LAPTM4A: variants seen among roughly 807,000 people sequenced by gnomAD.
LAPTM4A encodes lysosomal protein transmembrane 4 alpha.
In LAPTM4A, 19 loss-of-function variants were observed where a neutral mutation model predicts 29.9. That is an observed-to-expected ratio of 0.64 (90% CI 0.44 to 0.93). The LOEUF is 0.93. LAPTM4A is among the 40% of genes least tolerant of loss of function. The pLI is 0.00. For missense variants in LAPTM4A, 293 were observed against 288.5 expected (o/e 1.02, Z -0.11); for synonymous variants, 105 against 102.1 (o/e 1.03, Z -0.17).
At chr2:20,033,394 A>G in intron 6 of LAPTM4A, 115 bp from the exon 7 acceptor site, 1 of 779,044 alleles carries the variant, frequency 1.3e-6, no homozygotes, top group Non-Finnish European at 2.2e-6. Flanking sequence ...CATAAAGAAG[A>G]GCTGAAGAAA....
chr2:20,044,033 C>T (rs1247117147), intron 1 of LAPTM4A, among the ~76,000 whole-genome samples: 1 of 152,188 alleles, frequency 6.6e-6, no homozygotes, highest in African/African-American at 2.4e-5. Flanking sequence ...TGTCTATGTT[C>T]AGCAGCAAGC....
chr2:20,044,856 G>C (rs1472379283), intron 1 of LAPTM4A, among the ~76,000 whole-genome samples: 1 of 152,098 alleles, frequency 6.6e-6, no homozygotes, highest in East Asian at 1.9e-4. Context: ...CATTTCATTA[G>C]AACCCCAACT....
At chr2:20,038,724 T>C (rs1673733078) in intron 2 of LAPTM4A, among the ~76,000 whole-genome samples, 1 of 152,066 alleles carries the variant, frequency 6.6e-6, no homozygotes, top group South Asian at 2.1e-4. Flanking sequence ...ACACCTGTAA[T>C]CTCAGTACTC....
At chr2:20,047,696 C>CAAAAAAAAAAAAAAAAAAAAAAAAAAAAG (rs61601787) in intron 1 of LAPTM4A, among the ~76,000 whole-genome samples, 7 of 76,706 alleles carry the variant, frequency 9.1e-5, no homozygotes, top group African/African-American at 3.0e-4. Context: ...GACTCCGTCT[C>CAAAAAAAAAAAAAAAAAAAAAAAAAAAAG]AAAAAAAAAA....
chr2:20,046,744 T>TA, intron 1 of LAPTM4A, among the ~76,000 whole-genome samples: 1 of 145,114 alleles, frequency 6.9e-6, no homozygotes, highest in Non-Finnish European at 1.5e-5. Context: ...TATATAAATA[T>TA]ATATTATATA....
In LAPTM4A at chr2:20,034,959, C is replaced by G. The variant is rs185228413; in HGVS notation, c.528+8G>C. The G allele has an allele frequency of 1.3e-6, 2 of 1,599,506 alleles. No homozygotes were observed. Among genetic ancestry groups the G allele is most frequent in the South Asian group, 2.2e-5 (2 of 89,952 alleles). ...CAGTCACCCCTAAAGATTTAGTCAG[C>G]AACGTACCTTAAAAATGATGAATAA... is the stretch of plus-strand genomic sequence containing the variant. On this transcript the variant is annotated splice_region_variant and intron_variant, in intron 5 of 6. Coordinates refer to ENST00000175091, the MANE Select transcript of LAPTM4A (RefSeq NM_014713.5).
At chr2:20,038,883 C>A (rs955011868) in intron 2 of LAPTM4A, among the ~76,000 whole-genome samples, 1 of 151,960 alleles carries the variant, frequency 6.6e-6, no homozygotes, top group African/African-American at 2.4e-5. Context: ...ATGACTAGAA[C>A]AACTGCTGAA....
intron 1 of LAPTM4A, among the ~76,000 whole-genome samples, chr2:20,043,284 G>A (rs1226012706): frequency 2.8e-5 from 4 of 145,262 alleles, no homozygotes; most frequent in South Asian, 4.3e-4. Flanking sequence ...GCACGATCTC[G>A]GCTTACTGCA....
At chr2:20,045,096 T>G (rs1364842047) in intron 1 of LAPTM4A, among the ~76,000 whole-genome samples, 3 of 152,350 alleles carry the variant, frequency 2.0e-5, no homozygotes, top group Non-Finnish European at 1.5e-5. Context: ...TGCTCACATG[T>G]AAGCCCTGGC....
In LAPTM4A at chr2:20,051,586, A is replaced by C; in HGVS notation, c.-66T>G. 1 of 1,058,782 alleles carries C rather than the reference A, an allele frequency of 9.4e-7. No individual in the cohort carries two copies. Among genetic ancestry groups the C allele is most frequent in the Non-Finnish European group, 1.4e-6 (1 of 714,786 alleles). The allele number at this position is 1,058,782 out of a possible 1,614,324, so 65.6% of individuals were successfully genotyped here. ...ACGTTCTCCACCCGCAGCCAAACTC[A>C]AACGGCTGTTTCACGGCCTCCAAAA... On this transcript the variant is annotated 5_prime_UTR_variant, in exon 1 of 7. Coordinates refer to ENST00000175091, the MANE Select transcript of LAPTM4A (RefSeq NM_014713.5).
intron 5 of LAPTM4A, 116 bp from the exon 6 acceptor site, chr2:20,034,531 C>T: frequency 1.4e-6 from 1 of 738,994 alleles, no homozygotes; most frequent in Non-Finnish European, 2.4e-6. Context: ...AGGGAGCTGA[C>T]CTCTGTGTGG....
At chr2:20,041,990 T>C (rs1057234420) in intron 1 of LAPTM4A, among the ~76,000 whole-genome samples, 2 of 152,228 alleles carry the variant, frequency 1.3e-5, no homozygotes, top group African/African-American at 4.8e-5. Flanking sequence ...ATTTCCCTTT[T>C]GTCTTCCTCT....
At chr2:20,051,374 C>A (rs773682059) in intron 1 of LAPTM4A, 36 bp downstream of exon 1, 16 of 1,388,794 alleles carry the variant, frequency 1.2e-5, no homozygotes, top group African/African-American at 1.4e-5. Context: ...GCTCCCCAGG[C>A]CCCCCGGACA....
Position 20,036,760 on chromosome 2 carries a change from C to G in LAPTM4A, c.432+556G>C, listed in dbSNP as rs1458346596. Among the ~76,000 whole-genome samples, 7 of 152,228 alleles carry G rather than the reference C, an allele frequency of 4.6e-5. No individual in the cohort carries two copies. In the East Asian group the frequency reaches 1.2e-3, roughly 25 times the overall value. On this transcript the variant is annotated intron_variant, in intron 4 of 6. Transcript: ENST00000175091. ...CCAGCCCAGAGTTTTCCCTGCCCCC[C>G]TCCATATGACATTAATCGAAGTTCC...
intron 4 of LAPTM4A, among the ~76,000 whole-genome samples, chr2:20,036,052 A>G (rs1673669988): frequency 6.6e-6 from 1 of 152,242 alleles, no homozygotes; most frequent in Admixed American, 6.5e-5. Flanking sequence ...AGAAAAACAC[A>G]GAAGGTGGAG....
intron 1 of LAPTM4A, among the ~76,000 whole-genome samples, chr2:20,045,806 T>G (rs917094280): frequency 6.6e-6 from 1 of 152,020 alleles, no homozygotes; most frequent in East Asian, 1.9e-4. Context: ...AAAAAAAAAA[T>G]CATTTTTCAG....
At chr2:20,044,470 T>G (rs948540534) in intron 1 of LAPTM4A, among the ~76,000 whole-genome samples, 2 of 152,180 alleles carry the variant, frequency 1.3e-5, no homozygotes, top group African/African-American at 2.4e-5. Flanking sequence ...CTTAAATATT[T>G]TTATTACATG....
At chr2:20,037,465 T>C in intron 3 of LAPTM4A, 27 bp from the exon 4 acceptor site, 2 of 1,605,822 alleles carry the variant, frequency 1.2e-6, no homozygotes, top group Non-Finnish European at 1.7e-6. Flanking sequence ...AACCATAACA[T>C]TGTATCACAT....
At chr2:20,046,697 TTA>T (rs1366488674) in intron 1 of LAPTM4A, among the ~76,000 whole-genome samples, 1 of 146,744 alleles carries the variant, frequency 6.8e-6, no homozygotes, top group East Asian at 1.9e-4. Context: ...ATATATATTT[TTA>T]TATGTTTTAT....
Sources: gnomAD v4.1 joint callset for allele counts (sites outside exome capture counted in the v4.1 genomes callset) on GRCh38, gnomAD v4.1.1 for gene constraint, MANE v1.5 for transcripts, NCBI Gene and HGNC (gene_info 2026-07-23, HGNC 2026-07-21) for gene names.